The following BTAF1 variants were observed in gnomAD, a reference collection of about 807,000 sequenced individuals.
The protein encoded by BTAF1 is B-TFIID TATA-box binding protein associated factor 1.
BTAF1 carries 38 observed loss-of-function variants against 227.1 expected under a neutral mutation model. The observed-to-expected ratio is 0.17, with a 90% CI of 0.13 to 0.22. The LOEUF (loss-of-function observed/expected upper bound fraction) is 0.22. BTAF1 is among the 10% of genes least tolerant of loss of function. The pLI is 1.00. For missense variants in BTAF1, 1,598 were observed against 2,204.0 expected, an observed-to-expected ratio of 0.73 and a Z score of 5.51; for synonymous variants, 742 against 751.9, an observed-to-expected ratio of 0.99 and a Z score of 0.21.
chr10:91,946,568 T>A (rs1845378734), intron 4 of BTAF1, among the ~76,000 whole-genome samples: 1 of 152,230 alleles, frequency 6.6e-6, no homozygotes, highest in South Asian at 2.1e-4. Context: ...TTCCTAACAC[T>A]TATTATCTGA....
intron 14 of BTAF1, among the ~76,000 whole-genome samples, chr10:91,973,902 T>C (rs1303464159): frequency 3.0e-5 from 1 of 33,590 alleles, no homozygotes; most frequent in Non-Finnish European, 6.2e-5. Flanking sequence ...AGACTCCGTC[T>C]CAAAAAAAAA....
At chr10:92,011,229 C>T (rs1379482064) in intron 29 of BTAF1, 57 bp from the exon 30 acceptor site, 4 of 1,513,322 alleles carry the variant, frequency 2.6e-6, no homozygotes, top group African/African-American at 2.9e-5. Context: ...AAAGATTCTT[C>T]ATATAGTTCC....
rs1321149375 is a variant in BTAF1 at position 91,962,498 on chromosome 10, A to T, written c.1264-40A>T. The T allele has an allele frequency of 2.9e-6, 4 of 1,397,602 alleles. No individual in the cohort carries two copies. The Admixed American group carries it at 8.9e-5, about 31-fold the overall frequency. 86.6% of individuals were successfully genotyped at this position (1,397,602 alleles called of 1,614,324 possible). On this transcript the variant is annotated intron_variant, in intron 11 of 37. Coordinates refer to ENST00000265990, the MANE Select transcript of BTAF1 (RefSeq NM_003972.3). ...TAAAATGTTTAAGCACAGTAACTGT[A>T]GAATAGAAAATTAATTTATTTTCAT...
chr10:92,024,617 T>G, intron 34 of BTAF1, 139 bp from the exon 35 acceptor site: 1 of 698,748 alleles, frequency 1.4e-6, no homozygotes, highest in Non-Finnish European at 2.3e-6. Context: ...GGTGACAGAT[T>G]GCAGCCCAAA....
intron 13 of BTAF1, among the ~76,000 whole-genome samples, chr10:91,965,946 C>T (rs534826487): frequency 6.6e-6 from 1 of 152,212 alleles, no homozygotes; most frequent in African/African-American, 2.4e-5. Flanking sequence ...TTCTGTGGAG[C>T]CATATATTTC....
At chr10:92,013,426 G>A (rs1265605259) in intron 30 of BTAF1, among the ~76,000 whole-genome samples, 1 of 152,068 alleles carries the variant, frequency 6.6e-6, no homozygotes, top group Non-Finnish European at 1.5e-5. Flanking sequence ...GTAACACTGT[G>A]GACCAAGGCT....
In BTAF1 at chr10:92,028,972, T is replaced by TA; in HGVS notation, c.*40dup. ...TAAATGCAATTGCTGCTAGTTCAGT[T>TA]ACATTTCTGCTGATATTCAGCAAAT... On this transcript the variant is annotated 3_prime_UTR_variant, in exon 38 of 38. Transcript: ENST00000265990. The TA allele has an allele frequency of 3.9e-6, 6 of 1,533,186 alleles. No individual in the cohort carries two copies. The highest frequency in any genetic ancestry group is 5.3e-6 in the Non-Finnish European group (6 of 1,141,216). 95.0% of individuals were successfully genotyped at this position (1,533,186 alleles called of 1,614,324 possible).
At chr10:91,976,760 G>T (rs1311013051) in intron 14 of BTAF1, among the ~76,000 whole-genome samples, 1 of 152,194 alleles carries the variant, frequency 6.6e-6, no homozygotes, top group South Asian at 2.1e-4. Context: ...ATTTCCAGTG[G>T]CCAGGATGGA....
intron 25 of BTAF1, among the ~76,000 whole-genome samples, chr10:92,005,647 A>G (rs1849826542): frequency 6.6e-6 from 1 of 152,078 alleles, no homozygotes; most frequent in Non-Finnish European, 1.5e-5. Flanking sequence ...TTACACTCTT[A>G]AAAATTGAAG....
At chr10:91,959,748 A>AGGTCTTGC (rs778397744) in intron 9 of BTAF1, 37 bp from the exon 10 acceptor site, 1 of 127,250 alleles carries the variant, frequency 7.9e-6, no homozygotes, top group Non-Finnish European at 1.3e-5. Flanking sequence ...GTGTATATAT[A>AGGTCTTGC]TATATATATA....
chr10:91,945,401 C>A (rs1194098587), intron 4 of BTAF1, among the ~76,000 whole-genome samples: 1 of 152,098 alleles, frequency 6.6e-6, no homozygotes, highest in Non-Finnish European at 1.5e-5. Flanking sequence ...CTCCAGAAGT[C>A]TTCATCATGC....
chr10:91,962,683 A>G lies in BTAF1; in HGVS notation c.1404+5A>G. On this transcript the variant is annotated splice_donor_5th_base_variant and intron_variant, in intron 12 of 37. Transcript: ENST00000265990. ...GTCTATCTTCAGACACAAAAGGTAA[A>G]TTAAATATTTTTACAGTTTCTTACT... 1.3e-6 allele frequency: 2 copies of G among 1,580,950 alleles called. No homozygotes were observed. The highest frequency in any genetic ancestry group is 2.3e-5 in the East Asian group (1 of 44,330).
At chr10:91,999,584 G>A (rs1849365727) in intron 25 of BTAF1, among the ~76,000 whole-genome samples, 1 of 152,124 alleles carries the variant, frequency 6.6e-6, no homozygotes, top group Admixed American at 6.5e-5. Context: ...AGTAGAGACG[G>A]GATTTCTCCT....
intron 30 of BTAF1, 22 bp downstream of exon 30, chr10:92,011,437 T>G: frequency 9.1e-7 from 1 of 1,094,034 alleles, no homozygotes; most frequent in Admixed American, 3.9e-5. Context: ...TTATTATTTT[T>G]TTTAATTATT....
intron 14 of BTAF1, among the ~76,000 whole-genome samples, chr10:91,969,395 T>G (rs1306211295): frequency 2.0e-5 from 3 of 152,218 alleles, no homozygotes; most frequent in African/African-American, 7.2e-5. Flanking sequence ...CATTTTAAAG[T>G]ATATTAAACA....
At chr10:92,008,355 C>CT (rs1564713715) in intron 26 of BTAF1, 80 bp downstream of exon 26, 4 of 1,329,514 alleles carry the variant, frequency 3.0e-6, no homozygotes, top group Non-Finnish European at 1.0e-6. Context: ...GCTTTTGTTT[C>CT]TTTTTTGAGA....
intron 23 of BTAF1, among the ~76,000 whole-genome samples, chr10:91,996,055 G>A (rs1177890472): frequency 1.3e-5 from 2 of 152,152 alleles, no homozygotes; most frequent in African/African-American, 2.4e-5. Context: ...GGAGAATCTT[G>A]CCAAGTACTT....
rs577923573 is a variant in BTAF1, at chr10:91,969,936, G to A, written c.1650+3179G>A. On this transcript the variant is annotated intron_variant, in intron 14 of 37. Transcript: ENST00000265990. ...CCGAGATTGCACCACTGCCAAGCCT[G>A]GATAACAGAGCAAGACCCTGTCTCA... Among the ~76,000 whole-genome samples, 13 of 151,062 alleles carry A rather than the reference G, an allele frequency of 8.6e-5. No individual in the cohort carries two copies. The South Asian group carries it at 2.7e-3, about 32-fold the overall frequency.
At chr10:92,025,406 C>T (rs1209561931) in intron 35 of BTAF1, among the ~76,000 whole-genome samples, 1 of 151,614 alleles carries the variant, frequency 6.6e-6, no homozygotes, top group Non-Finnish European at 1.5e-5. Context: ...TGGTCTGCAG[C>T]CTCTACTTTT....
Sources: gnomAD v4.1 joint callset for allele counts (sites outside exome capture counted in the v4.1 genomes callset) on GRCh38, gnomAD v4.1.1 for gene constraint, MANE v1.5 for transcripts, NCBI Gene and HGNC (gene_info 2026-07-23, HGNC 2026-07-21) for gene names.